Variants in DAG1 observed in about 807,000 individuals in gnomAD.
DAG1 encodes dystroglycan 1 (dystrophin-associated glycoprotein 1).
DAG1 carries 8 observed loss-of-function variants against 46.1 expected under a neutral mutation model. The ratio of observed to expected loss-of-function variants is 0.17; its 90% confidence interval spans 0.10 to 0.31. The LOEUF is 0.31. Among genes scored for constraint, DAG1 ranks in the 10% least tolerant of loss-of-function variants. DAG1 has a pLI of 1.00. For missense variants in DAG1, 1,003 were observed against 1,189.9 expected (o/e 0.84, Z 2.31); for synonymous variants, 495 against 481.8 (o/e 1.03, Z -0.36).
Position 49,531,787 on chromosome 3 carries a change from A to G in DAG1, c.1276A>G (p.Lys426Glu). Reference sequence around the variant, plus strand: ...TACCCCTCCCACAACCACCACCAAGAAGCCACGAGTATCCACACCAAAACC... The same window carrying G: ...TACCCCTCCCACAACCACCACCAAGGAGCCACGAGTATCCACACCAAAACC... ...VATPPTTTTK[K>E]PRVSTPKPAT... is the part of the protein sequence containing the mutation. Residue 426 changes from lysine to glutamate, a missense_variant, in exon 3 of 3, where the codon AAG (lysine) becomes GAG (glutamate). Physicochemically the swap from Lys to Glu is moderately conservative, Grantham distance 56 (BLOSUM62 1). Transcript: ENST00000308775. This position sits in a 1 kb window ranked among gnomAD's most constrained non-coding sequence, Gnocchi z 7.0. 1 of 1,613,608 alleles carries G rather than the reference A, an allele frequency of 6.2e-7. No homozygotes were observed. The highest frequency in any genetic ancestry group is 8.5e-7 in the Non-Finnish European group (1 of 1,179,882).
upstream of DAG1, chr3:49,470,169 C>G (rs1332908613): frequency 2.0e-5 from 3 of 151,184 alleles, no homozygotes; most frequent in Non-Finnish European, 4.4e-5. Context: ...CCAGTCGGCG[C>G]CGCGCGGAGC....
chr3:49,510,800 C>G lies in DAG1; in HGVS notation c.266C>G (p.Ser89Cys). 6.2e-7 allele frequency: 1 copy of G among 1,614,086 alleles called. No individual in the cohort carries two copies. The highest frequency in any genetic ancestry group is 8.5e-7 in the Non-Finnish European group (1 of 1,180,018). Reference sequence around the variant, plus strand: ...ACCATTCCAACAGATTTGATTGCCTCCAGTGGAGATATCATCAAGGTGAGA... The same window carrying G: ...ACCATTCCAACAGATTTGATTGCCTGCAGTGGAGATATCATCAAGGTGAGA... ...RVTIPTDLIA[S>C]SGDIIKVSAA... The change falls in exon 2 of 3, where the codon TCC (serine) becomes TGC (cysteine). Residue 89 changes from serine to cysteine, a missense_variant. Transcript: ENST00000308775.
chr3:49,529,901 G>A (rs916278220), intron 2 of DAG1, among the ~76,000 whole-genome samples: 1 of 152,140 alleles, frequency 6.6e-6, no homozygotes, highest in Non-Finnish European at 1.5e-5. Flanking sequence ...CTGTGGAAAG[G>A]GACTTCCACA....
At chr3:49,480,631 TAGAC>T (rs1427137477) in intron 1 of DAG1, among the ~76,000 whole-genome samples, 3 of 145,118 alleles carry the variant, frequency 2.1e-5, no homozygotes, top group African/African-American at 7.3e-5. Flanking sequence ...CCCTAATTCT[TAGAC>T]AGTTTGGTTC....
In DAG1 at chr3:49,531,611, C is replaced by T. The variant is rs746712913; in HGVS notation, c.1100C>T (p.Thr367Met). 23 of 1,613,158 alleles carry T rather than the reference C, an allele frequency of 1.4e-5. 1 individual carries two copies. The highest frequency in any genetic ancestry group is 1.3e-4 in the South Asian group (12 of 91,058). Residue 367 changes from threonine (T) to methionine (M), a missense_variant, in exon 3 of 3, where the codon ACG becomes ATG. Physicochemically the swap from Thr to Met is moderately conservative, Grantham distance 81. Transcript: ENST00000308775. This position sits in a 1 kb window ranked among gnomAD's most constrained non-coding sequence, Gnocchi z 7.0. ...AGGGATCCTGTTCCTGGGAAACCCA[C>T]GGTCACCATCCGGACTCGAGGCGCC... ...PVRDPVPGKPTVTIRTRGAII... is the reference protein window; with the variant it reads ...PVRDPVPGKPMVTIRTRGAII...
intron 1 of DAG1, among the ~76,000 whole-genome samples, chr3:49,482,345 G>A (rs1036484399): frequency 1.3e-5 from 2 of 152,174 alleles, no homozygotes; most frequent in African/African-American, 4.8e-5. Context: ...ATGCTGAGGT[G>A]GATTAGTAAA....
At position 49,534,235 on chromosome 3, in the gene DAG1, C is replaced by T. The variant is rs2051448445; in HGVS notation, c.*1036C>T. ...GAATATCACGGTTTTTTGAAACACT[C>T]AGTGGGGGACATTTTGGTGAAGATG... On this transcript the variant is annotated 3_prime_UTR_variant, in exon 3 of 3. Transcript: ENST00000308775. 6.6e-6 allele frequency: 1 copy of T among 152,238 alleles called. No individual in the cohort carries two copies. Among genetic ancestry groups the T allele is most frequent in the Non-Finnish European group, 1.5e-5 (1 of 67,940 alleles). 9.4% of individuals were successfully genotyped at this position (152,238 alleles called of 1,614,324 possible). A position where few individuals can be genotyped will look rare whatever the true frequency, so the allele number is the denominator to read the frequency against.
At chr3:49,503,848 G>T (rs1051234280) in intron 1 of DAG1, among the ~76,000 whole-genome samples, 2 of 151,334 alleles carry the variant, frequency 1.3e-5, no homozygotes, top group South Asian at 4.2e-4. Flanking sequence ...AAAGAAAAAA[G>T]AAATTTAAAG....
chr3:49,526,530 G>A (rs1250407746), intron 2 of DAG1, among the ~76,000 whole-genome samples: 3 of 151,806 alleles, frequency 2.0e-5, no homozygotes, highest in Admixed American at 6.6e-5. Context: ...GCAACATGGC[G>A]AAATCCCATC....
intron 1 of DAG1, among the ~76,000 whole-genome samples, chr3:49,478,792 C>T (rs866391631): frequency 5.4e-5 from 7 of 130,356 alleles, no homozygotes; most frequent in South Asian, 2.3e-4. Context: ...AGTCTCTTGT[C>T]GTCCCCTCCC....
intron 1 of DAG1, 116 bp from the exon 2 acceptor site, chr3:49,510,303 G>T (rs1262949387): frequency 1.5e-5 from 9 of 602,854 alleles, no homozygotes; most frequent in Non-Finnish European, 2.4e-5. Context: ...GACCATGGGG[G>T]TAAGAGGCTT....
chr3:49,525,668 C>G (rs1242848666), intron 2 of DAG1, among the ~76,000 whole-genome samples: 2 of 151,744 alleles, frequency 1.3e-5, no homozygotes, highest in African/African-American at 4.8e-5. Context: ...CTGCCATTCT[C>G]CTGCCTCAGC....
chr3:49,471,364 T>C (rs2049513907), intron 1 of DAG1, among the ~76,000 whole-genome samples: 2 of 152,236 alleles, frequency 1.3e-5, no homozygotes, highest in Admixed American at 6.5e-5. Flanking sequence ...TCAGGTGTTT[T>C]GCAAAGTCTG....
In DAG1 at chr3:49,528,798, A is replaced by G. The variant is rs376787413; in HGVS notation, c.286-1999A>G. 2.7e-3 allele frequency among the ~76,000 whole-genome samples: 416 copies of G among 151,884 alleles called. 15 individuals are homozygous for G. In the South Asian group the frequency reaches 0.082, roughly 30 times the overall value. On this transcript the variant is annotated intron_variant, in intron 2 of 2. Transcript: ENST00000308775. ...AAGAAACACTATTTGCTAACCCTTA[A>G]TGAGTGGCTCAGAGAGCAATTAGGA...
chr3:49,480,451 A>AT (rs969425817), intron 1 of DAG1, among the ~76,000 whole-genome samples: 3 of 148,430 alleles, frequency 2.0e-5, no homozygotes, highest in East Asian at 2.0e-4. Flanking sequence ...AATTTTTTGT[A>AT]TTTTTTTAGT....
intron 1 of DAG1, among the ~76,000 whole-genome samples, chr3:49,486,729 C>T (rs1338913815): frequency 2.0e-5 from 3 of 151,874 alleles, no homozygotes; most frequent in Non-Finnish European, 4.4e-5. Flanking sequence ...TCTCGAACTC[C>T]TGACCTCGGG....
chr3:49,486,612 C>T (rs192641466), intron 1 of DAG1, among the ~76,000 whole-genome samples: 1 of 152,188 alleles, frequency 6.6e-6, no homozygotes, highest in African/African-American at 2.4e-5. Context: ...AAGTGATTCT[C>T]CTAACTCAGC....
At chr3:49,517,734 C>T (rs2050934504) in intron 2 of DAG1, among the ~76,000 whole-genome samples, 1 of 152,228 alleles carries the variant, frequency 6.6e-6, no homozygotes, top group African/African-American at 2.4e-5. Context: ...AAGGTGATGT[C>T]TGGCTGGTAA....
In DAG1 at chr3:49,532,278, T is replaced by C. The variant is rs1290396956; in HGVS notation, c.1767T>C (p.Asp589=). Residue 589 remains aspartate (D), a synonymous_variant, in exon 3 of 3, where the codon GAT becomes GAC. Transcript: ENST00000308775. The surrounding 1 kb of genome is among the most constrained non-coding windows in gnomAD (Gnocchi z 5.4). The part of the protein sequence containing the change: ...ATDKGGLSAV[D]AFEIHVHRRP... ...ACAAGGGGGGCCTGTCGGCTGTGGA[T>C]GCCTTCGAGATCCACGTCCACAGGC... is the stretch of plus-strand genomic sequence containing the variant. The C allele has an allele frequency of 1.2e-6, 2 of 1,614,098 alleles. No homozygotes were observed. Among genetic ancestry groups the C allele is most frequent in the African/African-American group, 1.3e-5 (1 of 75,068 alleles).
Sources: allele counts gnomAD v4.1 joint callset (sites outside exome capture counted in the v4.1 genomes callset), GRCh38; gene constraint gnomAD v4.1.1; non-coding constraint Gnocchi (gnomAD v3.1); transcripts MANE v1.5; gene names NCBI Gene and HGNC (gene_info 2026-07-23, HGNC 2026-07-21).